The following ATG13 variants were observed in gnomAD, a reference collection of about 807,000 sequenced individuals.
ATG13 encodes autophagy-related protein 13.
Under a neutral mutation model 65.5 loss-of-function variants are expected in ATG13, and 23 were observed. That is an observed-to-expected ratio of 0.35 (90% CI 0.25 to 0.50). The LOEUF (loss-of-function observed/expected upper bound fraction) is 0.50, where lower values mean the gene tolerates loss of function less well. Ranked by LOEUF, ATG13 falls within the 20% of genes least tolerant of loss-of-function variation. The pLI is 0.98. For synonymous variants in ATG13, 252 were observed against 245.2 expected (o/e 1.03, Z -0.26); for missense variants, 566 against 677.0 (o/e 0.84, Z 1.82).
chr11:46,656,102 C>T (rs2060000209), intron 7 of ATG13, 131 bp from the exon 8 acceptor site: 4 of 717,116 alleles, frequency 5.6e-6, no homozygotes, highest in South Asian at 1.9e-5. Context: ...ATTACTAATG[C>T]TCCATCAGCA....
chr11:46,623,289 G>A (rs923904538), intron 1 of ATG13, among the ~76,000 whole-genome samples: 1 of 151,278 alleles, frequency 6.6e-6, no homozygotes, highest in African/African-American at 2.5e-5. Context: ...GCAAGACCCC[G>A]TCTCAAAGAA....
intron 7 of ATG13, among the ~76,000 whole-genome samples, chr11:46,655,219 G>A (rs529759693): frequency 2.6e-4 from 39 of 152,166 alleles, no homozygotes; most frequent in East Asian, 9.7e-4. Context: ...CTAACACGGC[G>A]AAAACCCGTC....
At chr11:46,650,755 G>A (rs769434938) in intron 7 of ATG13, among the ~76,000 whole-genome samples, 15 of 152,094 alleles carry the variant, frequency 9.9e-5, no homozygotes, top group Non-Finnish European at 1.6e-4. Context: ...ACAGGCACCC[G>A]CCACCATGCT....
At chr11:46,620,020 C>G (rs1185305082) in intron 1 of ATG13, among the ~76,000 whole-genome samples, 1 of 135,720 alleles carries the variant, frequency 7.4e-6, no homozygotes, top group African/African-American at 3.0e-5. Context: ...CAGCGCCCCT[C>G]TGTCTCAAAA....
At chr11:46,666,067 A>G (rs2062286148) in intron 14 of ATG13, among the ~76,000 whole-genome samples, 1 of 152,114 alleles carries the variant, frequency 6.6e-6, no homozygotes, top group South Asian at 2.1e-4. Flanking sequence ...TTGACTTCCC[A>G]AAGTGCGGGG....
intron 1 of ATG13, among the ~76,000 whole-genome samples, chr11:46,624,487 G>C (rs185520231): frequency 6.3e-4 from 95 of 150,058 alleles, no homozygotes; most frequent in African/African-American, 2.3e-3. Flanking sequence ...TGGATCTTCA[G>C]ATTTTTTTTT....
Position 46,665,431 on chromosome 11 carries a change from C to G in ATG13, c.1048C>G (p.Pro350Ala). ...EGGVPLAPNQ[P>A]VHGTQADQER... The stretch of plus-strand genomic sequence containing the variant: ...TGGGGTACCCCTTGCTCCCAACCAG[C>G]CTGTCCATGGTACCCAGGCTGACCA... Residue 350 changes from proline to alanine, a missense_variant, in exon 14 of 19, where the codon CCT (proline) becomes GCT (alanine). Coordinates refer to ENST00000683050, the MANE Select transcript of ATG13 (RefSeq NM_001346311.2). The G allele has an allele frequency of 6.2e-7, 1 of 1,614,204 alleles. No homozygotes were observed. Among genetic ancestry groups the G allele is most frequent in the African/African-American group, 1.3e-5 (1 of 75,054 alleles).
chr11:46,645,197 A>G (rs976925189), intron 3 of ATG13, 142 bp from the exon 4 acceptor site: 6 of 626,682 alleles, frequency 9.6e-6, no homozygotes, highest in Admixed American at 3.4e-5. Flanking sequence ...AATTAAAATT[A>G]TACTGTTTCC....
rs186318251 is a variant in ATG13 at position 46,674,335 on chromosome 11, A to C, written c.*2003A>C. ...GCCCTTGCCCCTCAGACCTGCCATG[A>C]AAGGAATGAGCCCTAGACTGACTCC... On this transcript the variant is annotated 3_prime_UTR_variant, in exon 19 of 19. Transcript: ENST00000683050. The C allele has an allele frequency of 3.9e-5, 6 of 152,246 alleles. No individual in the cohort carries two copies. Among genetic ancestry groups the C allele is most frequent in the Admixed American group, 3.3e-4 (5 of 15,252 alleles). 9.4% of individuals were successfully genotyped at this position (152,246 alleles called of 1,614,324 possible). A position where few individuals can be genotyped will look rare whatever the true frequency, so the allele number is the denominator to read the frequency against.
At chr11:46,624,950 G>T (rs951985308) in intron 1 of ATG13, among the ~76,000 whole-genome samples, 1 of 152,020 alleles carries the variant, frequency 6.6e-6, no homozygotes, top group African/African-American at 2.4e-5. Flanking sequence ...GAGCCTGGGA[G>T]GTCCAGGCTG....
rs1178730561 is a variant in ATG13 at position 46,667,857 on chromosome 11, G to T, written c.1221G>T (p.Val407=). 1 of 1,612,722 alleles carries T rather than the reference G, an allele frequency of 6.2e-7. No individual in the cohort carries two copies. The change falls in exon 15 of 19, where the codon GTG becomes GTT. Residue 407 remains valine (V), a synonymous_variant. Transcript: ENST00000683050. ...TGGAGACCATCTTTGTCCGAAAAGT[G>T]GGGGCTTTTGTCAACAAACCCATTA... The part of the protein sequence containing the change: ...DVLETIFVRK[V]GAFVNKPINQ...
At chr11:46,631,536 T>G (rs2051744103) in intron 2 of ATG13, among the ~76,000 whole-genome samples, 1 of 152,176 alleles carries the variant, frequency 6.6e-6, no homozygotes, top group African/African-American at 2.4e-5. Context: ...TATCTAACAA[T>G]GGGATAATTT....
intron 7 of ATG13, among the ~76,000 whole-genome samples, chr11:46,654,309 A>ATATATATATATATATATATATATATG (rs1565550648): frequency 2.8e-5 from 4 of 143,822 alleles, no homozygotes; most frequent in African/African-American, 1.0e-4. Flanking sequence ...ATATATATAT[A>ATATATATATATATATATATATATATG]TGTAAAAGAG....
rs766562923 is a variant in ATG13, at chr11:46,672,767, C to G, written c.*435C>G. The G allele has an allele frequency of 7.6e-7, 1 of 1,313,492 alleles. No individual in the cohort carries two copies. Among genetic ancestry groups the G allele is most frequent in the Non-Finnish European group, 1.0e-6 (1 of 1,002,098 alleles). 81.4% of individuals were successfully genotyped at this position (1,313,492 alleles called of 1,614,324 possible). A position where few individuals can be genotyped will look rare whatever the true frequency, so the allele number is the denominator to read the frequency against. On this transcript the variant is annotated 3_prime_UTR_variant, in exon 19 of 19. Transcript: ENST00000683050. ...TGGCCAAGAGATTGGTGTGGAGTCGCAGAAAGAGGAAGGAGACAGTGCCAG... is the reference window on the plus strand; with the variant it reads ...TGGCCAAGAGATTGGTGTGGAGTCGGAGAAAGAGGAAGGAGACAGTGCCAG...
chr11:46,636,385 G>A (rs1381056347), intron 2 of ATG13, among the ~76,000 whole-genome samples: 2 of 151,604 alleles, frequency 1.3e-5, no homozygotes, highest in South Asian at 2.1e-4. Flanking sequence ...GTGAAACCCC[G>A]TCTCTACTAA....
intron 13 of ATG13, 112 bp downstream of exon 13, chr11:46,665,071 A>G: frequency 1.8e-6 from 2 of 1,115,598 alleles, no homozygotes; most frequent in Non-Finnish European, 2.6e-6. Context: ...TATATTCTGA[A>G]GCAAAACTCT....
At chr11:46,662,134 C>G (rs2136934294) in intron 11 of ATG13, among the ~76,000 whole-genome samples, 1 of 152,318 alleles carries the variant, frequency 6.6e-6, no homozygotes, top group South Asian at 2.1e-4. Flanking sequence ...CAAAGACCTA[C>G]TTTCTTCCTA....
intron 2 of ATG13, among the ~76,000 whole-genome samples, chr11:46,636,240 C>T (rs1371973544): frequency 6.6e-6 from 1 of 152,058 alleles, no homozygotes; most frequent in African/African-American, 2.4e-5. Flanking sequence ...TCTTGTCTCT[C>T]CCTATAAATT....
chr11:46,645,440 A>G (rs573348494), intron 4 of ATG13, 21 bp downstream of exon 4: 2 of 1,597,300 alleles, frequency 1.3e-6, no homozygotes, highest in South Asian at 1.1e-5. Context: ...ATTATTTACT[A>G]AGGTGTATAC....
Sources: allele counts gnomAD v4.1 joint callset (sites outside exome capture counted in the v4.1 genomes callset), GRCh38; gene constraint gnomAD v4.1.1; transcripts MANE v1.5; gene names NCBI Gene and HGNC (gene_info 2026-07-23, HGNC 2026-07-21).